The following NEO1 variants were observed in gnomAD, a reference collection of about 807,000 sequenced individuals.
The protein encoded by NEO1 is neogenin 1.
NEO1 carries 63 observed loss-of-function variants against 159.7 expected under a neutral mutation model. The ratio of observed to expected loss-of-function variants is 0.39; its 90% confidence interval spans 0.32 to 0.49. NEO1 has a LOEUF of 0.49. NEO1 is among the 20% of genes least tolerant of loss of function. The pLI is 0.85. For missense variants in NEO1, 1,615 were observed against 1,831.0 expected, an observed-to-expected ratio of 0.88 and a Z score of 2.15; for synonymous variants, 633 against 662.0, an observed-to-expected ratio of 0.96 and a Z score of 0.67.
intron 5 of NEO1, among the ~76,000 whole-genome samples, chr15:73,164,209 G>GTT (rs1446741896): frequency 7.2e-6 from 1 of 138,748 alleles, no homozygotes; most frequent in African/African-American, 2.8e-5. Flanking sequence ...TATTATTATT[G>GTT]GTTTTTTTTT....
chr15:73,221,565 G>C (rs964743705), intron 7 of NEO1: 1 of 153,140 alleles, frequency 6.5e-6, no homozygotes, highest in Non-Finnish European at 1.5e-5. Flanking sequence ...GCCTCCTTGA[G>C]CTGTGGTGGG....
At chr15:73,253,999 C>T (rs142296993) in intron 12 of NEO1, among the ~76,000 whole-genome samples, 201 of 152,292 alleles carry the variant, frequency 1.3e-3, no homozygotes, top group African/African-American at 4.5e-3. Flanking sequence ...TTCTGGACTA[C>T]GCAGACAACT....
At position 73,111,940 on chromosome 15, in the gene NEO1, A is replaced by G. The variant is rs926479759; in HGVS notation, c.131-4600A>G. On this transcript the variant is annotated intron_variant, in intron 1 of 28. Coordinates refer to ENST00000261908, the MANE Select transcript of NEO1 (RefSeq NM_002499.4). ...GTGAGCCACAGCACCCAGCCAATGT[A>G]GTATTTATAAGTGGATTATACATAC... Among the ~76,000 whole-genome samples the G allele has an allele frequency of 1.2e-4, 19 of 152,090 alleles. 1 individual carries two copies.
intron 9 of NEO1, 99 bp downstream of exon 9, chr15:73,244,597 C>T: frequency 7.6e-7 from 1 of 1,309,024 alleles, no homozygotes; most frequent in Non-Finnish European, 1.0e-6. Flanking sequence ...CAGAAGATAA[C>T]AGTTCCTTAC....
intron 4 of NEO1, among the ~76,000 whole-genome samples, chr15:73,132,626 A>G (rs1298755089): frequency 6.6e-6 from 1 of 152,238 alleles, no homozygotes; most frequent in African/African-American, 2.4e-5. Context: ...AAAGCTTCAC[A>G]ATCTATACAT....
intron 1 of NEO1, among the ~76,000 whole-genome samples, chr15:73,082,149 C>T (rs571427038): frequency 2.0e-4 from 31 of 152,176 alleles, no homozygotes; most frequent in African/African-American, 5.5e-4. Flanking sequence ...GCTGGGATTA[C>T]AGGCATGAGC....
chr15:73,150,927 C>T (rs192557140), intron 5 of NEO1, among the ~76,000 whole-genome samples: 8 of 152,308 alleles, frequency 5.3e-5, no homozygotes. Flanking sequence ...GCTTCTTTCA[C>T]AAAGCATAAC....
intron 1 of NEO1, among the ~76,000 whole-genome samples, chr15:73,064,826 C>T (rs1264518177): frequency 3.9e-5 from 6 of 152,076 alleles, no homozygotes; most frequent in Non-Finnish European, 8.8e-5. Flanking sequence ...TTTCTTTTGC[C>T]TGACAGTTTT....
At position 73,067,594 on chromosome 15, in the gene NEO1, C is replaced by T. The variant is rs189035824; in HGVS notation, c.130+14789C>T. On this transcript the variant is annotated intron_variant, in intron 1 of 28. Transcript: ENST00000261908. ...CCTCCTGAGTAGCTGGGACTGCAGG[C>T]GCCTGCCACCACGCCCAGCTAATTT... 3.2e-4 allele frequency among the ~76,000 whole-genome samples: 49 copies of T among 150,892 alleles called. 1 individual carries two copies. The East Asian group carries it at 8.4e-3, about 26-fold the overall frequency.
At chr15:73,249,284 G>T in intron 10 of NEO1, 76 bp downstream of exon 10, 1 of 1,469,972 alleles carries the variant, frequency 6.8e-7, no homozygotes, top group Non-Finnish European at 9.3e-7. Context: ...CTCAGTAGTT[G>T]CTTGACTGGA....
chr15:73,203,465 T>G (rs1433685004), intron 7 of NEO1, among the ~76,000 whole-genome samples: 1 of 152,176 alleles, frequency 6.6e-6, no homozygotes, highest in Non-Finnish European at 1.5e-5. Context: ...ACATTTAAAG[T>G]GATTGTTGCT....
At chr15:73,118,405 T>TTA (rs2071441976) in intron 2 of NEO1, among the ~76,000 whole-genome samples, 1 of 152,194 alleles carries the variant, frequency 6.6e-6, no homozygotes, top group East Asian at 1.9e-4. Context: ...TTCTCCAACC[T>TTA]TATTTCTTAA....
chr15:73,163,313 G>A (rs776031391), intron 5 of NEO1, among the ~76,000 whole-genome samples: 8 of 152,120 alleles, frequency 5.3e-5, no homozygotes, highest in Non-Finnish European at 1.0e-4. Context: ...TTTAAGTAAT[G>A]CAGTAACATT....
intron 1 of NEO1, among the ~76,000 whole-genome samples, chr15:73,088,957 G>A (rs2069523617): frequency 6.6e-6 from 1 of 152,092 alleles, no homozygotes; most frequent in Admixed American, 6.5e-5. Flanking sequence ...TTAATTTGTT[G>A]AGCTTGAGTT....
intron 9 of NEO1, 100 bp from the exon 10 acceptor site, chr15:73,248,960 T>C: frequency 9.1e-7 from 1 of 1,104,692 alleles, no homozygotes; most frequent in Non-Finnish European, 1.3e-6. Context: ...TAGCTTCTAT[T>C]ATTTTAAAAA....
chr15:73,211,492 G>A (rs1286527142), intron 7 of NEO1, among the ~76,000 whole-genome samples: 2 of 152,144 alleles, frequency 1.3e-5, no homozygotes, highest in South Asian at 2.1e-4. Flanking sequence ...CGAGGCGGGC[G>A]GATCAGGAGG....
chr15:73,149,325 A>C (rs76965989), intron 5 of NEO1, among the ~76,000 whole-genome samples: 1 of 152,046 alleles, frequency 6.6e-6, no homozygotes, highest in South Asian at 2.1e-4. Flanking sequence ...AAAAAAAAAA[A>C]ACAGGGTTTC....
intron 1 of NEO1, among the ~76,000 whole-genome samples, chr15:73,072,898 A>G (rs573884357): frequency 6.6e-6 from 1 of 152,338 alleles, no homozygotes; most frequent in South Asian, 2.1e-4. Context: ...GGAGAGGGAC[A>G]TGTCAAAGAT....
At chr15:73,152,712 G>A (rs539114821) in intron 5 of NEO1, among the ~76,000 whole-genome samples, 1 of 152,230 alleles carries the variant, frequency 6.6e-6, no homozygotes, top group South Asian at 2.1e-4. Flanking sequence ...CCCTCATCAT[G>A]TGCAATCTAA....
Sources: allele counts gnomAD v4.1 joint callset (sites outside exome capture counted in the v4.1 genomes callset), GRCh38; gene constraint gnomAD v4.1.1; transcripts MANE v1.5; gene names NCBI Gene and HGNC (gene_info 2026-07-23, HGNC 2026-07-21).